The following CSE1L variants were observed in gnomAD, a reference collection of about 807,000 sequenced individuals.
CSE1L encodes the protein chromosome segregation 1 like, also known as exportin-2.
A neutral mutation model predicts 120.4 loss-of-function variants in CSE1L; 24 were observed. That is an observed-to-expected ratio of 0.20 (90% CI 0.14 to 0.28). The LOEUF is 0.28. Ranked by LOEUF, CSE1L falls within the 10% of genes least tolerant of loss-of-function variation. CSE1L has a pLI of 1.00. For missense variants in CSE1L, 830 were observed against 1,145.2 expected (o/e 0.72, Z 3.97); for synonymous variants, 402 against 398.3 (o/e 1.01, Z -0.11).
intron 1 of CSE1L, among the ~76,000 whole-genome samples, chr20:49,055,761 AATAG>A (rs1288297841): frequency 2.0e-5 from 3 of 152,164 alleles, no homozygotes; most frequent in Non-Finnish European, 2.9e-5. Context: ...GTAAATGTAT[AATAG>A]ATATGTGATT....
chr20:49,089,881 C>T, intron 19 of CSE1L, 135 bp downstream of exon 19: 1 of 769,616 alleles, frequency 1.3e-6, no homozygotes, highest in Admixed American at 2.7e-5. Flanking sequence ...ACTTTGGGAG[C>T]CTCTAGTGGG....
At chr20:49,084,319 C>T (rs2092037012) in intron 15 of CSE1L, among the ~76,000 whole-genome samples, 157 bp downstream of exon 15, 1 of 152,148 alleles carries the variant, frequency 6.6e-6, no homozygotes, top group South Asian at 2.1e-4. Context: ...TTTGAGGCTG[C>T]TTACTAAAAT....
intron 14 of CSE1L, among the ~76,000 whole-genome samples, chr20:49,080,436 C>T (rs1415159089): frequency 3.3e-5 from 5 of 151,878 alleles, no homozygotes; most frequent in South Asian, 4.2e-4. Flanking sequence ...TGAAGGAGAA[C>T]GTTACATTGT....
chr20:49,078,643 T>C (rs1179013590), intron 14 of CSE1L, 21 bp downstream of exon 14: 4 of 1,481,956 alleles, frequency 2.7e-6, no homozygotes, highest in African/African-American at 1.4e-5. Flanking sequence ...TTTTATTTGT[T>C]ACACGCCACT....
intron 19 of CSE1L, among the ~76,000 whole-genome samples, chr20:49,090,415 G>T (rs2092092000): frequency 6.6e-6 from 1 of 152,116 alleles, no homozygotes; most frequent in Non-Finnish European, 1.5e-5. Flanking sequence ...AATTAGGTGG[G>T]TGTGGTGGCA....
At chr20:49,077,153 C>CTTTT (rs11439721) in intron 13 of CSE1L, 89 bp downstream of exon 13, 519 of 402,014 alleles carry the variant, frequency 1.3e-3, no homozygotes, top group South Asian at 2.1e-3. Flanking sequence ...CCCTTTTGTT[C>CTTTT]TTTTTTTTTT....
intron 2 of CSE1L, among the ~76,000 whole-genome samples, chr20:49,062,490 C>T (rs1280751177): frequency 6.6e-6 from 1 of 151,932 alleles, no homozygotes; most frequent in Non-Finnish European, 1.5e-5. Context: ...GGTTGAAAAT[C>T]TATTGGTAAA....
chr20:49,090,139 A>G (rs542786193), intron 19 of CSE1L, among the ~76,000 whole-genome samples: 82 of 152,032 alleles, frequency 5.4e-4, no homozygotes, highest in Non-Finnish European at 1.1e-3. Flanking sequence ...AAAAAATAAT[A>G]ATAATAATAA....
chr20:49,065,910 A>AT (rs1458557928), intron 3 of CSE1L, among the ~76,000 whole-genome samples: 1 of 152,094 alleles, frequency 6.6e-6, no homozygotes, highest in Admixed American at 6.6e-5. Flanking sequence ...GGAAATTCTT[A>AT]ATTGGCATCA....
intron 5 of CSE1L, among the ~76,000 whole-genome samples, chr20:49,066,809 A>G (rs1348021868): frequency 2.0e-5 from 3 of 152,074 alleles, no homozygotes; most frequent in African/African-American, 7.2e-5. Flanking sequence ...TGGGCGGATC[A>G]CCTGAGGTCA....
At position 49,065,754 on chromosome 20, in the gene CSE1L, C is replaced by T. The variant is rs557375779; in HGVS notation, c.229-438C>T. 3.3e-5 allele frequency among the ~76,000 whole-genome samples: 5 copies of T among 149,810 alleles called. No homozygotes were observed. The East Asian group carries it at 7.9e-4, about 24-fold the overall frequency. ...GATTATAGGTGCCTGCCACCATGTC[C>T]GGCTAATTTTTGTATGTTTAGTAGA... is the stretch of plus-strand genomic sequence containing the variant. On this transcript the variant is annotated intron_variant, in intron 3 of 24. Coordinates refer to ENST00000262982, the MANE Select transcript of CSE1L (RefSeq NM_001316.4).
chr20:49,070,506 A>G (rs954369184), intron 8 of CSE1L, among the ~76,000 whole-genome samples: 53 of 152,266 alleles, frequency 3.5e-4, no homozygotes, highest in African/African-American at 1.2e-3. Flanking sequence ...TAGTGTACAT[A>G]TAAGGCTGTT....
chr20:49,061,765 AGT>A (rs1212380424), intron 2 of CSE1L, among the ~76,000 whole-genome samples: 1 of 150,828 alleles, frequency 6.6e-6, no homozygotes, highest in Admixed American at 6.6e-5. Context: ...GGCCTCCCAT[AGT>A]GCTGGGATTA....
At chr20:49,076,525 T>C (rs1273240322) in intron 12 of CSE1L, among the ~76,000 whole-genome samples, 16 of 126,314 alleles carry the variant, frequency 1.3e-4, no homozygotes, top group African/African-American at 4.5e-4. Flanking sequence ...TCTCTCTTTT[T>C]TTTTTTTTTT....
At chr20:49,080,523 T>C (rs2092003594) in intron 14 of CSE1L, among the ~76,000 whole-genome samples, 9 of 152,238 alleles carry the variant, frequency 5.9e-5, no homozygotes, top group Admixed American at 5.9e-4. Flanking sequence ...TCGCTCTCGT[T>C]GCCCAGGCAA....
chr20:49,057,907 C>G (rs2091821586), intron 1 of CSE1L, among the ~76,000 whole-genome samples: 1 of 152,098 alleles, frequency 6.6e-6, no homozygotes, highest in South Asian at 2.1e-4. Context: ...GCTGGGATTA[C>G]AGGCATGAGC....
At position 49,096,725 on chromosome 20, in the gene CSE1L, T is replaced by C. The variant is rs1000843474; in HGVS notation, c.*287T>C. 5 of 346,906 alleles carry C rather than the reference T, an allele frequency of 1.4e-5. No individual in the cohort carries two copies. Among genetic ancestry groups the C allele is most frequent in the African/African-American group, 1.1e-4 (5 of 47,338 alleles). 21.5% of individuals were successfully genotyped at this position (346,906 alleles called of 1,614,324 possible). On this transcript the variant is annotated 3_prime_UTR_variant, in exon 25 of 25. Transcript: ENST00000262982. ...GAGCGTTTGCACGGTTTGGATAATC[T>C]TAAATTTTGACGGACACTGTGGAGA... is the stretch of plus-strand genomic sequence containing the variant.
intron 14 of CSE1L, among the ~76,000 whole-genome samples, chr20:49,080,255 T>A (rs938452796): frequency 4.6e-5 from 7 of 151,456 alleles, no homozygotes; most frequent in Admixed American, 1.3e-4. Flanking sequence ...TGTTTTGTTT[T>A]TTTTTATTTT....
intron 10 of CSE1L, among the ~76,000 whole-genome samples, chr20:49,072,951 T>C (rs958190914): frequency 6.6e-6 from 1 of 152,228 alleles, no homozygotes; most frequent in Non-Finnish European, 1.5e-5. Flanking sequence ...AATTTCTATT[T>C]AGAGAAAGAA....
Sources: allele counts gnomAD v4.1 joint callset (sites outside exome capture counted in the v4.1 genomes callset), GRCh38; gene constraint gnomAD v4.1.1; transcripts MANE v1.5; gene names NCBI Gene and HGNC (gene_info 2026-07-23, HGNC 2026-07-21).